The following CERS6 variants were observed in gnomAD, a reference collection of about 807,000 sequenced individuals.
CERS6 encodes the protein LAG1 homolog, ceramide synthase 6.
A neutral mutation model predicts 56.8 loss-of-function variants in CERS6; 26 were observed. The observed-to-expected ratio is 0.46, with a 90% CI of 0.34 to 0.63. The LOEUF (loss-of-function observed/expected upper bound fraction) is 0.63. CERS6 is among the 30% of genes least tolerant of loss of function. CERS6 has a pLI of 0.01. For synonymous variants in CERS6, 164 were observed against 173.3 expected (o/e 0.95, Z 0.42); for missense variants, 415 against 467.5 (o/e 0.89, Z 1.04).
rs149468419 is a variant in CERS6, at chr2:168,485,805, T to G, written c.170+29187T>G. On this transcript the variant is annotated intron_variant, in intron 1 of 9. Transcript: ENST00000305747. The stretch of plus-strand genomic sequence containing the variant: ...ATTATGAATGAAGCTGCTATAAATG[T>G]TTGTGTGTAGGTTTTTGTGAACATA... Among the ~76,000 whole-genome samples, 4 of 152,258 alleles carry G rather than the reference T, an allele frequency of 2.6e-5. No individual in the cohort carries two copies. In the East Asian group the frequency reaches 7.7e-4, roughly 29 times the overall value.
intron 2 of CERS6, among the ~76,000 whole-genome samples, chr2:168,557,342 A>G (rs184029289): frequency 2.6e-5 from 4 of 152,314 alleles, no homozygotes; most frequent in East Asian, 1.9e-4. Context: ...AATTCACCCT[A>G]TGTTATGATC....
At chr2:168,540,846 T>A (rs1695355183) in intron 1 of CERS6, among the ~76,000 whole-genome samples, 1 of 152,242 alleles carries the variant, frequency 6.6e-6, no homozygotes, top group Non-Finnish European at 1.5e-5. Flanking sequence ...TAGGTTTTCT[T>A]CTTTTACAGT....
At chr2:168,469,275 G>A (rs558098270) in intron 1 of CERS6, among the ~76,000 whole-genome samples, 2 of 152,236 alleles carry the variant, frequency 1.3e-5, no homozygotes, top group South Asian at 2.1e-4. Flanking sequence ...TTCCAGCTCT[G>A]CATAGTTTAA....
At chr2:168,757,988 A>G (rs944680377) in intron 8 of CERS6, among the ~76,000 whole-genome samples, 2 of 152,178 alleles carry the variant, frequency 1.3e-5, no homozygotes, top group Non-Finnish European at 2.9e-5. Context: ...TTACCTTAGG[A>G]AAACCAGCAC....
chr2:168,626,339 G>A (rs1440173840), intron 3 of CERS6, among the ~76,000 whole-genome samples: 1 of 152,112 alleles, frequency 6.6e-6, no homozygotes, highest in African/African-American at 2.4e-5. Context: ...GCGGGGTGGT[G>A]GCTGCTCTGG....
At chr2:168,507,894 C>T (rs978156734) in intron 1 of CERS6, among the ~76,000 whole-genome samples, 2 of 151,976 alleles carry the variant, frequency 1.3e-5, no homozygotes, top group Non-Finnish European at 2.9e-5. Flanking sequence ...GATTTATAAC[C>T]ATTAGATATT....
At chr2:168,725,184 T>A (rs1372736664) in intron 8 of CERS6, among the ~76,000 whole-genome samples, 1 of 152,236 alleles carries the variant, frequency 6.6e-6, no homozygotes, top group South Asian at 2.1e-4. Context: ...GCCGGCCGGC[T>A]GCTTCAAGTG....
chr2:168,458,196 C>G (rs1329707641), intron 1 of CERS6, among the ~76,000 whole-genome samples: 1 of 152,178 alleles, frequency 6.6e-6, no homozygotes, highest in Non-Finnish European at 1.5e-5. Flanking sequence ...GATCTACACA[C>G]AATTGCTGAA....
chr2:168,462,267 G>A (rs567548724), intron 1 of CERS6, among the ~76,000 whole-genome samples: 6 of 152,030 alleles, frequency 3.9e-5, no homozygotes, highest in Admixed American at 3.9e-4. Context: ...GTTCCAGATT[G>A]TATGTCTAGT....
At chr2:168,733,234 A>G (rs1360972027) in intron 8 of CERS6, among the ~76,000 whole-genome samples, 1 of 152,182 alleles carries the variant, frequency 6.6e-6, no homozygotes, top group South Asian at 2.1e-4. Flanking sequence ...TTGAAACTGT[A>G]TTTTGCTGGC....
chr2:168,693,039 A>G (rs1276071468), intron 5 of CERS6, among the ~76,000 whole-genome samples: 1 of 152,198 alleles, frequency 6.6e-6, no homozygotes, highest in Non-Finnish European at 1.5e-5. Context: ...ATTATTTGTT[A>G]CATATTAAAT....
rs147029160 is a variant in CERS6, at chr2:168,521,876, T to C, written c.171-25720T>C. On this transcript the variant is annotated intron_variant, in intron 1 of 9. Coordinates refer to ENST00000305747, the MANE Select transcript of CERS6 (RefSeq NM_203463.3). ...CCTAAGGGGCTTCACTGAGCATAATTGTCTTTGAATGGAAATATAAGTTTA... is the reference window on the plus strand; with the variant it reads ...CCTAAGGGGCTTCACTGAGCATAATCGTCTTTGAATGGAAATATAAGTTTA... 1.7e-3 allele frequency among the ~76,000 whole-genome samples: 266 copies of C among 152,312 alleles called. 3 individuals carry two copies. Among genetic ancestry groups the C allele is most frequent in the African/African-American group, 6.2e-3 (259 of 41,572 alleles).
At chr2:168,671,390 A>T in intron 4 of CERS6, among the ~76,000 whole-genome samples, 1 of 152,188 alleles carries the variant, frequency 6.6e-6, no homozygotes, top group East Asian at 1.9e-4. Context: ...TCTGAAGCTT[A>T]AGGAAATCCA....
At chr2:168,679,211 A>T (rs1686147545) in intron 4 of CERS6, among the ~76,000 whole-genome samples, 1 of 152,176 alleles carries the variant, frequency 6.6e-6, no homozygotes, top group African/African-American at 2.4e-5. Flanking sequence ...CAACAAGTGT[A>T]AAGTTACAGT....
chr2:168,682,053 C>G (rs1245748117), intron 4 of CERS6, among the ~76,000 whole-genome samples: 3 of 152,132 alleles, frequency 2.0e-5, no homozygotes, highest in Non-Finnish European at 4.4e-5. Flanking sequence ...CATATCTTGG[C>G]TATTGTGAAT....
chr2:168,490,668 C>T (rs971739675), intron 1 of CERS6, among the ~76,000 whole-genome samples: 2 of 152,148 alleles, frequency 1.3e-5, no homozygotes, highest in Non-Finnish European at 2.9e-5. Context: ...TTGCTCATCT[C>T]TGTCCCAGGC....
intron 2 of CERS6, among the ~76,000 whole-genome samples, chr2:168,559,754 T>TATA (rs56014027): frequency 2.4e-5 from 3 of 123,900 alleles, no homozygotes; most frequent in Admixed American, 8.1e-5. Context: ...TATATATATA[T>TATA]TTCACCCTTA....
chr2:168,529,797 G>A (rs555717213), intron 1 of CERS6, among the ~76,000 whole-genome samples: 1 of 152,288 alleles, frequency 6.6e-6, no homozygotes, highest in East Asian at 1.9e-4. Flanking sequence ...GAGATCAAAT[G>A]TGAAAGGACT....
intron 8 of CERS6, among the ~76,000 whole-genome samples, chr2:168,723,492 C>G (rs1683242507): frequency 1.3e-5 from 2 of 152,182 alleles, no homozygotes; most frequent in African/African-American, 4.8e-5. Context: ...ACTGTAAATT[C>G]CTTCAGTCAC....
Sources: gnomAD v4.1 joint callset for allele counts (sites outside exome capture counted in the v4.1 genomes callset) on GRCh38, gnomAD v4.1.1 for gene constraint, MANE v1.5 for transcripts, NCBI Gene and HGNC (gene_info 2026-07-23, HGNC 2026-07-21) for gene names.